Variants in ELL observed in about 807,000 individuals in gnomAD.
ELL encodes the protein RNA polymerase II elongation factor ELL.
A neutral mutation model predicts 64.0 loss-of-function variants in ELL; 18 were observed. The observed-to-expected ratio is 0.28, with a 90% CI of 0.19 to 0.42. The LOEUF (loss-of-function observed/expected upper bound fraction) is 0.42. Among genes scored for constraint, ELL ranks in the 10% least tolerant of loss-of-function variants. The pLI is 1.00. For synonymous variants in ELL, 399 were observed against 376.2 expected (o/e 1.06, Z -0.70); for missense variants, 797 against 870.4 (o/e 0.92, Z 1.06).
At chr19:18,516,766 G>A (rs574430707) in intron 1 of ELL, among the ~76,000 whole-genome samples, 1 of 152,242 alleles carries the variant, frequency 6.6e-6, no homozygotes, top group Non-Finnish European at 1.5e-5. Flanking sequence ...CTCAGAAAGG[G>A]TCAGGCACCA....
rs190817502 is a variant in ELL, at chr19:18,450,858, G to A, written c.1084C>T (p.Arg362Cys). The A allele has an allele frequency of 3.4e-5, 54 of 1,589,252 alleles. No homozygotes were observed. The East Asian group carries it at 6.3e-4, about 19-fold the overall frequency. Residue 362 changes from arginine (R) to cysteine (C), a missense_variant, in exon 8 of 12, where the codon CGT (arginine) becomes TGT (cysteine). Arg to Cys is a radical substitution (Grantham distance 180, BLOSUM62 -3). Transcript: ENST00000262809. ...VNGKLGVPNGREALLPTPGPP... is the reference protein window; with the variant it reads ...VNGKLGVPNGCEALLPTPGPP... ...CCCGGGGTGGGCAGCAAGGCCTCAC[G>A]GCCATTGGGCACGCCCAGCTTCCCG...
At chr19:18,499,101 C>G (rs1333584795) in intron 1 of ELL, among the ~76,000 whole-genome samples, 1 of 152,162 alleles carries the variant, frequency 6.6e-6, no homozygotes, top group Non-Finnish European at 1.5e-5. Context: ...AAAGCTGAGG[C>G]AGCTCTTGAG....
chr19:18,453,230 T>C (rs976831738), intron 6 of ELL, among the ~76,000 whole-genome samples: 2 of 152,320 alleles, frequency 1.3e-5, no homozygotes, highest in Middle Eastern at 3.4e-3. Context: ...GCAGAGATCA[T>C]GCCATTGCAC....
chr19:18,494,377 G>A (rs1255293723), intron 1 of ELL, among the ~76,000 whole-genome samples: 1 of 151,908 alleles, frequency 6.6e-6, no homozygotes, highest in Non-Finnish European at 1.5e-5. Context: ...AAGGAAGAAA[G>A]TTAGTTTCTT....
chr19:18,482,797 C>T (rs9653168), intron 1 of ELL, among the ~76,000 whole-genome samples: 172 of 75,594 alleles, frequency 2.3e-3, no homozygotes, highest in African/African-American at 0.016. Flanking sequence ...GTTGTTGTTG[C>T]TGCTGTTGTT....
Position 18,461,612 on chromosome 19 carries a change from G to C in ELL, c.710C>G (p.Ala237Gly), listed in dbSNP as rs562927955. Reference protein sequence around the residue: ...LRLQKDGLTQADKDALDGLLQ... With the variant: ...LRLQKDGLTQGDKDALDGLLQ... ...GAGGCCATCCAGCGCGTCCTTGTCC[G>C]CCTGCGTCAGGCCGTCCTTCTGCAG... is the stretch of plus-strand genomic sequence containing the variant. Residue 237 changes from alanine to glycine, a missense_variant, in exon 5 of 12, where the codon GCG (alanine) becomes GGG (glycine). Physicochemically the swap from Ala to Gly is moderately conservative, Grantham distance 60. Transcript: ENST00000262809. 1 of 1,607,250 alleles carries C rather than the reference G, an allele frequency of 6.2e-7. No individual in the cohort carries two copies. Among genetic ancestry groups the C allele is most frequent in the African/African-American group, 1.3e-5 (1 of 75,034 alleles).
chr19:18,468,674 C>T (rs1391925152), intron 2 of ELL, among the ~76,000 whole-genome samples: 1 of 152,242 alleles, frequency 6.6e-6, no homozygotes, highest in African/African-American at 2.4e-5. Context: ...CCCCCACTGC[C>T]CCCTGTGGTC....
chr19:18,509,130 G>C (rs1191958280), intron 1 of ELL, among the ~76,000 whole-genome samples: 3 of 152,054 alleles, frequency 2.0e-5, no homozygotes, highest in Admixed American at 6.6e-5. Context: ...TAATATTTCA[G>C]AGTAGCCGTG....
chr19:18,516,645 C>T (rs1976137631), intron 1 of ELL, among the ~76,000 whole-genome samples: 1 of 152,114 alleles, frequency 6.6e-6, no homozygotes, highest in Non-Finnish European at 1.5e-5. Context: ...TCTGTACGAA[C>T]CTCCAGGCAG....
At chr19:18,491,590 C>G (rs922670762) in intron 1 of ELL, among the ~76,000 whole-genome samples, 1 of 152,092 alleles carries the variant, frequency 6.6e-6, no homozygotes, top group Admixed American at 6.6e-5. Flanking sequence ...CCTTGTCCCC[C>G]CAACCCCATA....
At chr19:18,447,759 T>C (rs930895104) in intron 8 of ELL, among the ~76,000 whole-genome samples, 1 of 152,036 alleles carries the variant, frequency 6.6e-6, no homozygotes, top group Non-Finnish European at 1.5e-5. Flanking sequence ...AATGATTTTA[T>C]CAATTTCAGA....
intron 1 of ELL, among the ~76,000 whole-genome samples, chr19:18,493,424 G>T (rs528621469): frequency 1.5e-4 from 23 of 152,352 alleles, no homozygotes; most frequent in African/African-American, 5.3e-4. Context: ...TGTCACTGCT[G>T]GCCAGGGCAG....
chr19:18,446,826 AAC>A lies in ELL; in HGVS notation c.1466-14_1466-13del, dbSNP rs775053396. On this transcript the variant is annotated splice_polypyrimidine_tract_variant and intron_variant, in intron 8 of 11. Coordinates refer to ENST00000262809, the MANE Select transcript of ELL (RefSeq NM_006532.4). ...GGTTCCGTTTAAACCTACGAGAGCA[AAC>A]ACATACCTCCTGAGTCTGCGCCCAT... 7.9e-5 allele frequency: 128 copies of A among 1,614,006 alleles called. No homozygotes were observed. In the African/African-American group the frequency reaches 1.4e-3, roughly 18 times the overall value.
chr19:18,510,444 C>T (rs984116016), intron 1 of ELL, among the ~76,000 whole-genome samples: 1 of 152,200 alleles, frequency 6.6e-6, no homozygotes, highest in Non-Finnish European at 1.5e-5. Flanking sequence ...AAGCAGGGCA[C>T]GTAGCCACTG....
chr19:18,479,981 C>A (rs140725491), intron 1 of ELL, among the ~76,000 whole-genome samples: 5 of 152,304 alleles, frequency 3.3e-5, no homozygotes, highest in African/African-American at 4.8e-5. Flanking sequence ...AGCACGTTCT[C>A]CCTGCTGTCT....
intron 1 of ELL, among the ~76,000 whole-genome samples, chr19:18,503,254 A>G (rs1008139833): frequency 4.6e-5 from 7 of 152,186 alleles, no homozygotes; most frequent in African/African-American, 1.7e-4. Flanking sequence ...GGCATCTGGG[A>G]GGGAGCACCC....
At chr19:18,492,742 C>A (rs1975557893) in intron 1 of ELL, among the ~76,000 whole-genome samples, 1 of 152,156 alleles carries the variant, frequency 6.6e-6, no homozygotes, top group African/African-American at 2.4e-5. Flanking sequence ...TGGCAGAGGG[C>A]AGCTCAAGTC....
intron 1 of ELL, among the ~76,000 whole-genome samples, chr19:18,497,365 A>C (rs1975676888): frequency 6.6e-6 from 1 of 152,190 alleles, no homozygotes; most frequent in African/African-American, 2.4e-5. Context: ...CAGCGGGCAG[A>C]GGGGAGGAAG....
chr19:18,452,629 T>C (rs936322675), intron 6 of ELL, among the ~76,000 whole-genome samples: 18 of 152,184 alleles, frequency 1.2e-4, no homozygotes, highest in Admixed American at 6.5e-5. Flanking sequence ...AACAGACTGC[T>C]GCAGGGCCAT....
Sources: gnomAD v4.1 joint callset for allele counts (sites outside exome capture counted in the v4.1 genomes callset) on GRCh38, gnomAD v4.1.1 for gene constraint, MANE v1.5 for transcripts, NCBI Gene and HGNC (gene_info 2026-07-23, HGNC 2026-07-21) for gene names.